Variants in CSMD1 observed in about 807,000 individuals in gnomAD.
CSMD1 encodes the protein CUB and sushi domain-containing protein 1.
In CSMD1, 213 loss-of-function variants were observed where a neutral mutation model predicts 417.5. The ratio of observed to expected loss-of-function variants is 0.51; its 90% confidence interval spans 0.46 to 0.57. The LOEUF (loss-of-function observed/expected upper bound fraction) is 0.57. Ranked by LOEUF, CSMD1 falls within the 20% of genes least tolerant of loss-of-function variation. The pLI is 0.00. For missense variants in CSMD1, 6,923 were observed against 4,529.7 expected, an observed-to-expected ratio of 1.53 and a Z score of -15.17; for synonymous variants, 2,862 against 1,736.8, an observed-to-expected ratio of 1.65 and a Z score of -16.11.
chr8:4,149,396 G>C (rs954632568), intron 3 of CSMD1, among the ~76,000 whole-genome samples: 3 of 152,052 alleles, frequency 2.0e-5, no homozygotes, highest in Admixed American at 2.0e-4. Flanking sequence ...ATCTTAGGTG[G>C]TAACTGCCAT....
At chr8:4,550,329 GCACACACACACACACACA>G (rs35196172) in intron 2 of CSMD1, among the ~76,000 whole-genome samples, 35 of 139,712 alleles carry the variant, frequency 2.5e-4, no homozygotes, top group Non-Finnish European at 4.7e-4. Flanking sequence ...ATACACACAC[GCACACACACACACACACA>G]CACACACACA....
chr8:4,282,203 G>C (rs1195841804), intron 3 of CSMD1, among the ~76,000 whole-genome samples: 2 of 152,088 alleles, frequency 1.3e-5, no homozygotes, highest in Non-Finnish European at 2.9e-5. Context: ...GTGATTTTTT[G>C]TGAAAATAAA....
chr8:3,567,255 C>T (rs1173846639), intron 10 of CSMD1, among the ~76,000 whole-genome samples: 2 of 151,914 alleles, frequency 1.3e-5, no homozygotes, highest in Non-Finnish European at 1.5e-5. Flanking sequence ...ACAATGGTCA[C>T]TAGGAACTAC....
chr8:4,017,027 C>T (rs1435346868), intron 4 of CSMD1, among the ~76,000 whole-genome samples: 1 of 152,132 alleles, frequency 6.6e-6, no homozygotes, highest in African/African-American at 2.4e-5. Flanking sequence ...GAAGGAAGAG[C>T]CACATCATAA....
In CSMD1 at chr8:4,540,897, T is replaced by TTATGAG. The variant is rs1298180242; in HGVS notation, c.302+96444_302+96445insCTCATA. Among the ~76,000 whole-genome samples the TTATGAG allele has an allele frequency of 1.2e-4, 19 of 152,318 alleles. No individual in the cohort carries two copies. The East Asian group carries it at 3.5e-3, about 28-fold the overall frequency. ...CTGACTCTCCGCCACTCTGCTAGTC[T>TTATGAG]GCTATTTAATTTTATGAGGCTGTAG... On this transcript the variant is annotated intron_variant, in intron 2 of 69. Coordinates refer to ENST00000635120, the MANE Select transcript of CSMD1 (RefSeq NM_033225.6).
chr8:4,256,730 C>G (rs1172936096), intron 3 of CSMD1, among the ~76,000 whole-genome samples: 1 of 152,076 alleles, frequency 6.6e-6, no homozygotes, highest in Non-Finnish European at 1.5e-5. Context: ...GCGCCAGGCA[C>G]AGTTACGGGC....
At chr8:4,515,294 C>T (rs1418750424) in intron 2 of CSMD1, among the ~76,000 whole-genome samples, 1 of 152,116 alleles carries the variant, frequency 6.6e-6, no homozygotes, top group Non-Finnish European at 1.5e-5. Flanking sequence ...TGATGTGGCT[C>T]ATGTACTCAG....
Position 4,254,903 on chromosome 8 carries a change from G to A in CSMD1, c.415+165050C>T, listed in dbSNP as rs555969942. ...AAACAAAGATGAAATTTCCCGATGA[G>A]GCATTTCTCAGAATACATTCCCATC... On this transcript the variant is annotated intron_variant, in intron 3 of 69. Coordinates refer to ENST00000635120, the MANE Select transcript of CSMD1 (RefSeq NM_033225.6). Among the ~76,000 whole-genome samples the A allele has an allele frequency of 5.1e-4, 78 of 152,230 alleles. 1 individual carries two copies. The highest frequency in any genetic ancestry group is 6.9e-4 in the Non-Finnish European group (47 of 68,036).
At chr8:4,719,160 C>T (rs1808884132) in intron 1 of CSMD1, among the ~76,000 whole-genome samples, 1 of 151,954 alleles carries the variant, frequency 6.6e-6, no homozygotes, top group Admixed American at 6.6e-5. Context: ...TGGAGAAAGG[C>T]AGGTGAAAAA....
intron 2 of CSMD1, among the ~76,000 whole-genome samples, chr8:4,534,732 T>C (rs540507083): frequency 1.4e-4 from 21 of 152,266 alleles, no homozygotes; most frequent in Non-Finnish European, 2.8e-4. Context: ...GATTATGACC[T>C]CCAACTCCAT....
chr8:3,635,374 T>G (rs1796984090), intron 7 of CSMD1, among the ~76,000 whole-genome samples: 1 of 151,902 alleles, frequency 6.6e-6, no homozygotes, highest in Non-Finnish European at 1.5e-5. Flanking sequence ...CTCGGGAGGC[T>G]GAGGCAGGAG....
In CSMD1 at chr8:4,183,938, C is replaced by G. The variant is rs577231038; in HGVS notation, c.416-151839G>C. ...AGCTACCACATGATAGTCTGGGAAA[C>G]CTATGAACTGCTCCTGAGAACACAG... On this transcript the variant is annotated intron_variant, in intron 3 of 69. Coordinates refer to ENST00000635120, the MANE Select transcript of CSMD1 (RefSeq NM_033225.6). 4.6e-5 allele frequency among the ~76,000 whole-genome samples: 7 copies of G among 152,218 alleles called. No individual in the cohort carries two copies. In the South Asian group the frequency reaches 1.5e-3, roughly 32 times the overall value.
chr8:4,316,651 T>A (rs1281651703), intron 3 of CSMD1, among the ~76,000 whole-genome samples: 1 of 152,068 alleles, frequency 6.6e-6, no homozygotes, highest in Non-Finnish European at 1.5e-5. Context: ...GGGTACACTG[T>A]GTCAAGATGA....
intron 5 of CSMD1, among the ~76,000 whole-genome samples, chr8:3,980,651 A>G (rs995967775): frequency 3.3e-5 from 5 of 152,182 alleles, no homozygotes; most frequent in Admixed American, 2.6e-4. Context: ...TTCTGTATCA[A>G]ATGAAAATAT....
rs1430750842 is a variant in CSMD1, at chr8:3,931,826, G to A, written c.818+66077C>T. On this transcript the variant is annotated intron_variant, in intron 5 of 69. Coordinates refer to ENST00000635120, the MANE Select transcript of CSMD1 (RefSeq NM_033225.6). ...GGCAATGGGACTTCCTATTCAAGCAGAGGACTGGGCTATCTTTAAGGCAGA... is the reference window on the plus strand; with the variant it reads ...GGCAATGGGACTTCCTATTCAAGCAAAGGACTGGGCTATCTTTAAGGCAGA... Among the ~76,000 whole-genome samples the A allele has an allele frequency of 3.4e-5, 5 of 147,834 alleles. 1 individual carries two copies. In the East Asian group the frequency reaches 1.0e-3, roughly 30 times the overall value.
At chr8:3,410,641 C>T (rs1332456438) in intron 12 of CSMD1, among the ~76,000 whole-genome samples, 1 of 152,194 alleles carries the variant, frequency 6.6e-6, no homozygotes, top group East Asian at 1.9e-4. Context: ...GTCCATTAAA[C>T]CTTTTTCTTT....
At chr8:3,393,781 T>A (rs769225577) in intron 17 of CSMD1, among the ~76,000 whole-genome samples, 4 of 151,204 alleles carry the variant, frequency 2.6e-5, no homozygotes, top group Admixed American at 6.6e-5. Context: ...TAGGTGGGAA[T>A]TGAACAATGA....
At chr8:4,716,940 T>TA (rs1284749604) in intron 1 of CSMD1, among the ~76,000 whole-genome samples, 1 of 152,090 alleles carries the variant, frequency 6.6e-6, no homozygotes, top group Non-Finnish European at 1.5e-5. Context: ...TCCAATAGGT[T>TA]AAAAAATGAA....
intron 52 of CSMD1, among the ~76,000 whole-genome samples, chr8:3,017,022 TC>T (rs1307453834): frequency 1.3e-5 from 2 of 152,212 alleles, no homozygotes; most frequent in Non-Finnish European, 2.9e-5. Context: ...TCACTTAATC[TC>T]CCAAAGCACC....
Sources: allele counts gnomAD v4.1 joint callset (sites outside exome capture counted in the v4.1 genomes callset), GRCh38; gene constraint gnomAD v4.1.1; transcripts MANE v1.5; gene names NCBI Gene and HGNC (gene_info 2026-07-23, HGNC 2026-07-21).